ADCY5: variants seen among roughly 807,000 people sequenced by gnomAD.
ADCY5 encodes adenylate cyclase type 5.
A neutral mutation model predicts 119.7 loss-of-function variants in ADCY5; 30 were observed. The ratio of observed to expected loss-of-function variants is 0.25; its 90% CI spans 0.19 to 0.34. The LOEUF (loss-of-function observed/expected upper bound fraction) is 0.34. Among genes scored for constraint, ADCY5 ranks in the 10% least tolerant of loss-of-function variants. ADCY5 has a pLI of 1.00. For synonymous variants in ADCY5, 753 were observed against 762.2 expected (o/e 0.99, Z 0.20); for missense variants, 1,324 against 1,775.2 (o/e 0.75, Z 4.57).
intron 1 of ADCY5, among the ~76,000 whole-genome samples, chr3:123,362,978 C>A (rs1421285795): frequency 6.6e-6 from 1 of 151,656 alleles, no homozygotes; most frequent in East Asian, 1.9e-4. Flanking sequence ...CCTGTCTCTA[C>A]TAAAAACACA....
chr3:123,436,809 T>C (rs1272120820), intron 1 of ADCY5, among the ~76,000 whole-genome samples: 1 of 152,182 alleles, frequency 6.6e-6, no homozygotes, highest in African/African-American at 2.4e-5. Context: ...GATAAGCACA[T>C]GCTATCAAAT....
At chr3:123,417,206 C>G (rs931936939) in intron 1 of ADCY5, among the ~76,000 whole-genome samples, 1 of 152,154 alleles carries the variant, frequency 6.6e-6, no homozygotes, top group Non-Finnish European at 1.5e-5. Flanking sequence ...GATTTCTTGG[C>G]ATCCCCAAGG....
chr3:123,448,146 C>T lies in ADCY5; in HGVS notation c.400G>A (p.Gly134Ser), dbSNP rs988224463. 53 of 1,030,902 alleles carry T rather than the reference C, an allele frequency of 5.1e-5. 1 individual carries two copies. The Admixed American group carries it at 1.6e-3, about 31-fold the overall frequency. 63.9% of individuals were successfully genotyped at this position (1,030,902 alleles called of 1,614,324 possible). ...SGGSTRAPPAGGGGGSAAAAA... is the reference protein window; with the variant it reads ...SGGSTRAPPASGGGGSAAAAA... Reference sequence around the variant, plus strand: ...GCCGCCGCCGAGCCGCCGCCGCCGCCCGCAGGGGGCGCCCGGGTGCTGCCC... The same window carrying T: ...GCCGCCGCCGAGCCGCCGCCGCCGCTCGCAGGGGGCGCCCGGGTGCTGCCC... The change falls in exon 1 of 21, where the codon GGC (glycine) becomes AGC (serine). Residue 134 changes from glycine to serine, a missense_variant. This residue lies in a region of ADCY5 where 585 missense variants were observed against 569.9 expected (regional missense o/e 1.03). Transcript: ENST00000462833.
In ADCY5 at chr3:123,396,688, AAG is replaced by A. The variant is rs368056971; in HGVS notation, c.1135-44109_1135-44108del. On this transcript the variant is annotated intron_variant, in intron 1 of 20. Transcript: ENST00000462833. Reference sequence around the variant, plus strand: ...AAAGACGGAAAATAAGAACAAAAGAAAGAGAGAGAGAGAGGGAGGGAGGGAGA... The same window carrying A: ...AAAGACGGAAAATAAGAACAAAAGAAAGAGAGAGAGAGGGAGGGAGGGAGA... Among the ~76,000 whole-genome samples, 223 of 140,438 alleles carry A rather than the reference AAG, an allele frequency of 1.6e-3. 3 individuals are homozygous for A. The highest frequency in any genetic ancestry group is 8.4e-3 in the East Asian group (39 of 4,668). 92.1% of individuals were successfully genotyped at this position (140,438 alleles called of 152,430 possible). A position where few individuals can be genotyped will look rare whatever the true frequency, so the allele number is the denominator to read the frequency against.
intron 1 of ADCY5, among the ~76,000 whole-genome samples, chr3:123,435,631 C>T (rs145415919): frequency 3.9e-5 from 6 of 152,170 alleles, no homozygotes; most frequent in South Asian, 2.1e-4. Context: ...AGTTCTGCTG[C>T]CACCTTATAA....
At position 123,448,342 on chromosome 3, in the gene ADCY5, G is replaced by A. The variant is rs1285095996; in HGVS notation, c.204C>T (p.Arg68=). The change falls in exon 1 of 21, where the codon CGC becomes CGT. Residue 68 remains arginine, a synonymous_variant. Coordinates refer to ENST00000462833, the MANE Select transcript of ADCY5 (RefSeq NM_183357.3). ...CGTCGCTGCGCCAGCGGCTGGCCAG[G>A]CGCTGCTGCTGCTGCGGGGTCACCG... ...GGAVTPQQQQ[R]LASRWRSDDD... The A allele has an allele frequency of 1.0e-5, 16 of 1,527,510 alleles. No homozygotes were observed. The highest frequency in any genetic ancestry group is 1.4e-5 in the Non-Finnish European group (16 of 1,148,204). The allele number at this position is 1,527,510 out of a possible 1,614,324, so 94.6% of individuals were successfully genotyped here.
chr3:123,291,215 G>T lies in ADCY5; in HGVS notation c.3225C>A (p.Ala1075=). 6.2e-7 allele frequency: 1 copy of T among 1,614,090 alleles called. No homozygotes were observed. The highest frequency in any genetic ancestry group is 8.5e-7 in the Non-Finnish European group (1 of 1,180,040). ...QSCECVAVMF[A]SIANFSEFYV... ...AGAACTCGGAGAAGTTGGCGATGGA[G>T]GCGAACATGACCGCCACACACTCAC... Residue 1075 remains alanine, a synonymous_variant, in exon 18 of 21, where the codon GCC becomes GCA. Coordinates refer to ENST00000462833, the MANE Select transcript of ADCY5 (RefSeq NM_183357.3).
Position 123,359,331 on chromosome 3 carries a change from AATATATATATATATAT to A in ADCY5, c.1135-6766_1135-6751del, listed in dbSNP as rs57105101. ...AATATTTGGGACCTACTTATACTAAAATATATATATATATATATATATATATATATATTCATTATTT... is the reference window on the plus strand; with the variant it reads ...AATATTTGGGACCTACTTATACTAAAATATATATATATATATTCATTATTT... On this transcript the variant is annotated intron_variant, in intron 1 of 20. Coordinates refer to ENST00000462833, the MANE Select transcript of ADCY5 (RefSeq NM_183357.3). Among the ~76,000 whole-genome samples the A allele has an allele frequency of 4.4e-4, 48 of 109,766 alleles. 3 individuals carry two copies. The highest frequency in any genetic ancestry group is 1.0e-3 in the Admixed American group (10 of 9,910). 72.0% of individuals were successfully genotyped at this position (109,766 alleles called of 152,430 possible). A position where few individuals can be genotyped will look rare whatever the true frequency, so the allele number is the denominator to read the frequency against.
In ADCY5 at chr3:123,352,454, G is replaced by A. The variant is rs147646506; in HGVS notation, c.1262C>T (p.Ser421Leu). 3.2e-5 allele frequency: 51 copies of A among 1,613,316 alleles called. No homozygotes were observed. In the East Asian group the frequency reaches 7.4e-4, roughly 23 times the overall value. ...TRECIQARLH[S>L]QRENQQQERL... ...CACCTGCTGCTGGTTCTCCCGCTGC[G>A]AGTGGAGCCGCGCCTGGATGCACTC... The change falls in exon 2 of 21, where the codon TCG (serine) becomes TTG (leucine). Residue 421 changes from serine (S) to leucine (L), a missense_variant. By Grantham distance (145) the Ser-to-Leu change is moderately radical (BLOSUM62 -2). Transcript: ENST00000462833. The surrounding 1 kb of genome is among the most constrained non-coding windows in gnomAD (Gnocchi z 4.8).
intron 3 of ADCY5, among the ~76,000 whole-genome samples, chr3:123,341,723 C>A (rs1362160526): frequency 6.6e-6 from 1 of 151,794 alleles, no homozygotes; most frequent in African/African-American, 2.4e-5. Context: ...CCAACAGGGC[C>A]CCCTGGGCTG....
At chr3:123,300,073 T>C (rs1475762362) in intron 15 of ADCY5, 47 bp downstream of exon 15, 2 of 1,596,606 alleles carry the variant, frequency 1.3e-6, no homozygotes, top group Non-Finnish European at 1.7e-6. Flanking sequence ...GCCACCTCCC[T>C]GCAATGTCTC....
At position 123,448,908 on chromosome 3, in the gene ADCY5, G is replaced by C. The variant is rs1945880838; in HGVS notation, c.-363C>G. ...GCCGGAGTTGCGGACGAGACGGGAC[G>C]GAGTGGTGTCCTTGCGGGCGGTGCC... On this transcript the variant is annotated 5_prime_UTR_variant, in exon 1 of 21. Coordinates refer to ENST00000462833, the MANE Select transcript of ADCY5 (RefSeq NM_183357.3). 9.8e-6 allele frequency: 2 copies of C among 205,114 alleles called. No individual in the cohort carries two copies. Among genetic ancestry groups the C allele is most frequent in the South Asian group, 3.7e-4 (2 of 5,346 alleles). The allele number at this position is 205,114 out of a possible 1,614,324, so 12.7% of individuals were successfully genotyped here. A position where few individuals can be genotyped will look rare whatever the true frequency, so the allele number is the denominator to read the frequency against.
chr3:123,389,567 G>A (rs1944341292), intron 1 of ADCY5, among the ~76,000 whole-genome samples: 1 of 151,930 alleles, frequency 6.6e-6, no homozygotes, highest in Admixed American at 6.6e-5. Context: ...TCCACACCAT[G>A]CTGGCCACTC....
At chr3:123,407,825 G>C (rs1276630812) in intron 1 of ADCY5, among the ~76,000 whole-genome samples, 2 of 124,900 alleles carry the variant, frequency 1.6e-5, no homozygotes, top group Non-Finnish European at 3.4e-5. Flanking sequence ...ATATTGTTAT[G>C]ATTCCACTTA....
intron 1 of ADCY5, among the ~76,000 whole-genome samples, chr3:123,428,285 G>A (rs1945453121): frequency 1.3e-5 from 2 of 152,190 alleles, no homozygotes; most frequent in African/African-American, 2.4e-5. Flanking sequence ...ACTGAGGCAG[G>A]GGTGGATGTC....
intron 1 of ADCY5, chr3:123,368,156 T>C: frequency 1.2e-6 from 1 of 838,402 alleles, no homozygotes; most frequent in Middle Eastern, 3.7e-4. Context: ...TACAGGAATC[T>C]GAATGCGCTC....
chr3:123,315,250 T>A (rs982310945), intron 11 of ADCY5, among the ~76,000 whole-genome samples: 4 of 152,224 alleles, frequency 2.6e-5, no homozygotes, highest in African/African-American at 7.2e-5. Context: ...TCAAACAGCG[T>A]CTTTGTTCCA....
Position 123,352,729 on chromosome 3 carries a change from A to G in ADCY5, c.1135-148T>C. ...ACCCCACACGCGGCCAACCACTGTGAGCAGCCGAGCATAATCGATCGGGCT... is the reference window on the plus strand; with the variant it reads ...ACCCCACACGCGGCCAACCACTGTGGGCAGCCGAGCATAATCGATCGGGCT... On this transcript the variant is annotated intron_variant, in intron 1 of 20. Coordinates refer to ENST00000462833, the MANE Select transcript of ADCY5 (RefSeq NM_183357.3). This position sits in a 1 kb window ranked among gnomAD's most constrained non-coding sequence, Gnocchi z 4.8. The G allele has an allele frequency of 1.1e-6, 1 of 918,076 alleles. No homozygotes were observed. The highest frequency in any genetic ancestry group is 1.6e-6 in the Non-Finnish European group (1 of 630,152). The allele number at this position is 918,076 out of a possible 1,614,324, so 56.9% of individuals were successfully genotyped here.
At chr3:123,400,888 G>A (rs1163319404) in intron 1 of ADCY5, among the ~76,000 whole-genome samples, 1 of 151,876 alleles carries the variant, frequency 6.6e-6, no homozygotes, top group Non-Finnish European at 1.5e-5. Flanking sequence ...AGGTTGCACT[G>A]AGCCGAGATC....
Sources: allele counts gnomAD v4.1 joint callset (sites outside exome capture counted in the v4.1 genomes callset), GRCh38; gene constraint gnomAD v4.1.1; regional missense constraint gnomAD v4.1.1; non-coding constraint Gnocchi (gnomAD v3.1); transcripts MANE v1.5; gene names NCBI Gene and HGNC (gene_info 2026-07-23, HGNC 2026-07-21).